NOX3: variants seen among roughly 807,000 people sequenced by gnomAD.
NOX3 encodes NADPH oxidase 3.
A neutral mutation model predicts 76.7 loss-of-function variants in NOX3; 74 were observed. That is an observed-to-expected ratio of 0.96 (90% CI 0.80 to 1.17). The LOEUF is 1.17. NOX3 is among the 50% of genes most tolerant of loss of function. The pLI, the probability that NOX3 is intolerant of heterozygous loss-of-function variation, is 0.00. For missense variants in NOX3, 695 were observed against 703.3 expected (o/e 0.99, Z 0.13); for synonymous variants, 263 against 261.1 (o/e 1.01, Z -0.07).
intron 10 of NOX3, 72 bp from the exon 11 acceptor site, chr6:155,411,432 T>A: frequency 3.5e-6 from 5 of 1,419,888 alleles, no homozygotes; most frequent in Non-Finnish European, 4.7e-6. Context: ...GACTACTTTA[T>A]CTCCATTAAA....
At chr6:155,419,983 T>A (rs1387522925) in intron 10 of NOX3, among the ~76,000 whole-genome samples, 3 of 152,218 alleles carry the variant, frequency 2.0e-5, no homozygotes, top group African/African-American at 7.2e-5. Flanking sequence ...CATTGATTTA[T>A]TCAATATTTT....
intron 9 of NOX3, among the ~76,000 whole-genome samples, chr6:155,424,654 T>A (rs1776734300): frequency 6.6e-6 from 1 of 152,204 alleles, no homozygotes; most frequent in Admixed American, 6.5e-5. Flanking sequence ...TAATCTTAAT[T>A]AATAAGGCTT....
intron 12 of NOX3, among the ~76,000 whole-genome samples, chr6:155,404,224 T>C (rs999684965): frequency 6.6e-6 from 1 of 152,096 alleles, no homozygotes; most frequent in Non-Finnish European, 1.5e-5. Flanking sequence ...TACAATCTTT[T>C]CAAGGAAATG....
intron 5 of NOX3, among the ~76,000 whole-genome samples, chr6:155,442,354 C>T (rs1055549696): frequency 3.9e-5 from 6 of 152,086 alleles, no homozygotes; most frequent in African/African-American, 1.4e-4. Context: ...TTATCTTAGG[C>T]TAATTAGGGG....
chr6:155,451,069 C>T (rs1777133154), intron 4 of NOX3, among the ~76,000 whole-genome samples: 1 of 152,050 alleles, frequency 6.6e-6, no homozygotes, highest in Non-Finnish European at 1.5e-5. Context: ...ACCTCCACCT[C>T]CCGGGTTCAG....
chr6:155,420,996 ACT>A (rs1776682168), intron 10 of NOX3, among the ~76,000 whole-genome samples: 1 of 152,176 alleles, frequency 6.6e-6, no homozygotes, highest in African/African-American at 2.4e-5. Flanking sequence ...GGATCAGGAA[ACT>A]CAGCTCAGAG....
At chr6:155,453,865 T>C (rs113210716) in intron 3 of NOX3, among the ~76,000 whole-genome samples, 3,581 of 152,294 alleles carry the variant, frequency 0.024, 148 homozygotes, top group African/African-American at 0.082. Flanking sequence ...TGCATCTATA[T>C]ATAAATATTC....
chr6:155,419,151 C>A (rs231946), intron 10 of NOX3, among the ~76,000 whole-genome samples: 18,244 of 152,216 alleles, frequency 0.12, 1,816 homozygotes, highest in African/African-American at 0.28. Flanking sequence ...ATGTAGGTAG[C>A]CCTGACAAAT....
intron 12 of NOX3, among the ~76,000 whole-genome samples, chr6:155,399,944 G>A (rs555563077): frequency 2.3e-4 from 35 of 152,260 alleles, no homozygotes; most frequent in African/African-American, 5.5e-4. Flanking sequence ...GAGCTGGATC[G>A]GGGACAATGT....
At chr6:155,436,147 A>G (rs1410392864) in intron 7 of NOX3, among the ~76,000 whole-genome samples, 2 of 152,216 alleles carry the variant, frequency 1.3e-5, no homozygotes, top group Non-Finnish European at 2.9e-5. Flanking sequence ...TGACTCCTCC[A>G]GGGACATCAT....
chr6:155,436,915 T>C (rs939780919), intron 6 of NOX3, among the ~76,000 whole-genome samples: 3 of 152,226 alleles, frequency 2.0e-5, no homozygotes, highest in African/African-American at 4.8e-5. Context: ...TGGCTAACTT[T>C]GTACTATTTG....
chr6:155,435,757 T>A (rs985456259), intron 7 of NOX3, among the ~76,000 whole-genome samples: 7 of 152,162 alleles, frequency 4.6e-5, no homozygotes, highest in Non-Finnish European at 1.0e-4. Context: ...AGAGGCCAGA[T>A]AGGAATATTA....
intron 12 of NOX3, among the ~76,000 whole-genome samples, chr6:155,405,551 C>T (rs892559962): frequency 3.3e-5 from 5 of 152,296 alleles, no homozygotes; most frequent in South Asian, 4.1e-4. Flanking sequence ...CAAAATTCCA[C>T]GTGGATGTAT....
rs1400010004 is a variant in NOX3 at position 155,428,884 on chromosome 6, T to A, written c.1055A>T (p.His352Leu). Residue 352 changes from histidine (H) to leucine (L), a missense_variant, in exon 9 of 14, where the codon CAC (histidine) becomes CTC (leucine). Physicochemically the swap from His to Leu is moderately conservative, Grantham distance 99. Coordinates refer to ENST00000159060, the MANE Select transcript of NOX3 (RefSeq NM_015718.3). ...TGTCCAGTCTCCTGCTGCCCGGATG[T>A]GCACGCTGAAAAAGTCCTCCTGGGG... is the stretch of plus-strand genomic sequence containing the variant. ...SAPQEDFFSVHIRAAGDWTAA... is the reference protein window; with the variant it reads ...SAPQEDFFSVLIRAAGDWTAA... The A allele has an allele frequency of 6.2e-7, 1 of 1,613,598 alleles. No homozygotes were observed. Among genetic ancestry groups the A allele is most frequent in the South Asian group, 1.1e-5 (1 of 90,982 alleles).
intron 12 of NOX3, among the ~76,000 whole-genome samples, chr6:155,401,820 A>G (rs1004108965): frequency 5.9e-5 from 9 of 152,016 alleles, no homozygotes; most frequent in African/African-American, 1.9e-4. Context: ...ACCAAACTTT[A>G]AAGTTTTTAT....
chr6:155,449,924 A>G (rs1777113123), intron 4 of NOX3, among the ~76,000 whole-genome samples: 1 of 152,368 alleles, frequency 6.6e-6, no homozygotes, highest in East Asian at 1.9e-4. Context: ...AGGTGTTTGC[A>G]TGAAACCAAG....
chr6:155,399,826 C>A (rs1382156881), intron 12 of NOX3, among the ~76,000 whole-genome samples: 1 of 151,790 alleles, frequency 6.6e-6, no homozygotes, highest in Admixed American at 6.6e-5. Context: ...TAATTACCCA[C>A]AATCGCTTGG....
chr6:155,445,980 G>GCT (rs1255964261), intron 4 of NOX3, among the ~76,000 whole-genome samples: 1 of 57,112 alleles, frequency 1.8e-5, no homozygotes, highest in East Asian at 2.2e-3. Context: ...ATATATATAT[G>GCT]CTATATATAT....
At chr6:155,411,426 A>G in intron 10 of NOX3, 66 bp from the exon 11 acceptor site, 1 of 1,435,040 alleles carries the variant, frequency 7.0e-7, no homozygotes, top group South Asian at 1.5e-5. Context: ...ATCACAGACT[A>G]CTTTATCTCC....
Sources: gnomAD v4.1 joint callset for allele counts (sites outside exome capture counted in the v4.1 genomes callset) on GRCh38, gnomAD v4.1.1 for gene constraint, MANE v1.5 for transcripts, NCBI Gene and HGNC (gene_info 2026-07-23, HGNC 2026-07-21) for gene names.